The following ANTXR1 variants were observed in gnomAD, a reference collection of about 807,000 sequenced individuals.
The protein encoded by ANTXR1 is anthrax toxin receptor 1.
Under a neutral mutation model 78.1 loss-of-function variants are expected in ANTXR1, and 19 were observed. That is an observed-to-expected ratio of 0.24 (90% confidence interval 0.17 to 0.36). The LOEUF (loss-of-function observed/expected upper bound fraction) is 0.36, where lower values mean the gene tolerates loss of function less well. Ranked by LOEUF, ANTXR1 falls within the 10% of genes least tolerant of loss-of-function variation. The pLI is 1.00. For missense variants in ANTXR1, 518 were observed against 718.6 expected (o/e 0.72, Z 3.19); for synonymous variants, 273 against 260.5 (o/e 1.05, Z -0.46).
At chr2:69,136,205 G>A (rs1672906248) in intron 12 of ANTXR1, among the ~76,000 whole-genome samples, 1 of 152,124 alleles carries the variant, frequency 6.6e-6, no homozygotes, top group Non-Finnish European at 1.5e-5. Context: ...AATATATCCT[G>A]AATGAAACTG....
intron 12 of ANTXR1, among the ~76,000 whole-genome samples, chr2:69,125,738 G>A (rs1021611656): frequency 1.3e-5 from 2 of 152,166 alleles, no homozygotes; most frequent in Non-Finnish European, 2.9e-5. Flanking sequence ...CTACTCAGGA[G>A]GCTGAGATGG....
intron 8 of ANTXR1, among the ~76,000 whole-genome samples, chr2:69,089,233 A>G (rs1281045415): frequency 6.6e-6 from 1 of 152,260 alleles, no homozygotes; most frequent in East Asian, 1.9e-4. Flanking sequence ...TTTTGGTGAC[A>G]TTCAGGTACA....
At chr2:69,093,653 A>G (rs1671309538) in intron 9 of ANTXR1, among the ~76,000 whole-genome samples, 1 of 152,218 alleles carries the variant, frequency 6.6e-6, no homozygotes, top group African/African-American at 2.4e-5. Flanking sequence ...ACAATCCACT[A>G]ATAAATTTAA....
intron 16 of ANTXR1, among the ~76,000 whole-genome samples, chr2:69,190,801 G>A (rs1441019085): frequency 6.6e-6 from 1 of 151,932 alleles, no homozygotes; most frequent in African/African-American, 2.4e-5. Flanking sequence ...ATACATCTAG[G>A]TGGTTTCTGG....
intron 12 of ANTXR1, chr2:69,146,146 G>C: frequency 3.0e-6 from 3 of 985,434 alleles, no homozygotes; most frequent in South Asian, 4.7e-5. Context: ...AATGTTGCCT[G>C]TCTGCCTCCT....
chr2:69,175,522 G>T (rs980055542), intron 14 of ANTXR1, among the ~76,000 whole-genome samples: 2 of 152,182 alleles, frequency 1.3e-5, no homozygotes, highest in Non-Finnish European at 2.9e-5. Flanking sequence ...TACTGGGGAG[G>T]CTGAGGCTGG....
intron 12 of ANTXR1, among the ~76,000 whole-genome samples, chr2:69,125,802 C>T (rs1404807864): frequency 1.3e-5 from 2 of 152,012 alleles, no homozygotes; most frequent in Non-Finnish European, 2.9e-5. Context: ...GATTGCACCA[C>T]TGCACTCCGG....
At chr2:69,208,209 C>T (rs1256470688) in intron 17 of ANTXR1, among the ~76,000 whole-genome samples, 1 of 152,202 alleles carries the variant, frequency 6.6e-6, no homozygotes, top group Non-Finnish European at 1.5e-5. Flanking sequence ...TTTGCCTAGG[C>T]ATTTGTCTGC....
chr2:69,171,975 A>C (rs1673998398), intron 14 of ANTXR1, among the ~76,000 whole-genome samples: 1 of 152,232 alleles, frequency 6.6e-6, no homozygotes, highest in Admixed American at 6.5e-5. Flanking sequence ...GTTAGGCTTA[A>C]AGGAGTTTTT....
At chr2:69,126,930 A>G (rs1283365626) in intron 12 of ANTXR1, among the ~76,000 whole-genome samples, 1 of 152,198 alleles carries the variant, frequency 6.6e-6, no homozygotes, top group East Asian at 1.9e-4. Flanking sequence ...TTTTCATGTG[A>G]GAATGCTGTA....
intron 12 of ANTXR1, among the ~76,000 whole-genome samples, chr2:69,131,099 A>C (rs1189351710): frequency 6.6e-6 from 1 of 152,232 alleles, no homozygotes; most frequent in Non-Finnish European, 1.5e-5. Context: ...GCCACAAAAA[A>C]AAATCTATCA....
chr2:69,100,781 T>G (rs1265978057), intron 9 of ANTXR1, among the ~76,000 whole-genome samples: 4 of 152,248 alleles, frequency 2.6e-5, no homozygotes, highest in Non-Finnish European at 4.4e-5. Flanking sequence ...TAAGAGAAGA[T>G]AAGATTCTTC....
intron 12 of ANTXR1, among the ~76,000 whole-genome samples, chr2:69,150,606 T>C (rs1271865681): frequency 6.6e-6 from 1 of 152,144 alleles, no homozygotes; most frequent in Non-Finnish European, 1.5e-5. Flanking sequence ...TAAATATAAA[T>C]TTAAAAATTT....
intron 17 of ANTXR1, among the ~76,000 whole-genome samples, chr2:69,223,522 A>T (rs1295322214): frequency 6.6e-6 from 1 of 152,230 alleles, no homozygotes; most frequent in Non-Finnish European, 1.5e-5. Context: ...TGAGCAAAGC[A>T]ACTCAAGATT....
At chr2:69,098,795 G>A (rs1671510644) in intron 9 of ANTXR1, among the ~76,000 whole-genome samples, 1 of 152,146 alleles carries the variant, frequency 6.6e-6, no homozygotes, top group African/African-American at 2.4e-5. Context: ...AAACCAGCCT[G>A]GCCAACAGGG....
At chr2:69,095,102 G>A (rs1671357062) in intron 9 of ANTXR1, among the ~76,000 whole-genome samples, 1 of 152,160 alleles carries the variant, frequency 6.6e-6, no homozygotes, top group Non-Finnish European at 1.5e-5. Context: ...TATTGACAAA[G>A]GCATGTCCAT....
At chr2:69,072,725 A>G (rs72897320) in intron 5 of ANTXR1, among the ~76,000 whole-genome samples, 3,115 of 152,238 alleles carry the variant, frequency 0.02, 101 homozygotes, top group African/African-American at 0.069. Flanking sequence ...AAATAATCAC[A>G]CTTGATTCAC....
chr2:69,110,836 C>T (rs1413679296), intron 10 of ANTXR1, among the ~76,000 whole-genome samples: 2 of 152,012 alleles, frequency 1.3e-5, no homozygotes, highest in Non-Finnish European at 2.9e-5. Context: ...CATTCCAGCC[C>T]GGGCGACAGA....
At chr2:69,116,210 A>C (rs2104356634) in intron 10 of ANTXR1, among the ~76,000 whole-genome samples, 1 of 152,312 alleles carries the variant, frequency 6.6e-6, no homozygotes, top group Non-Finnish European at 1.5e-5. Flanking sequence ...TACTCTCAGC[A>C]ATGGCTCCCA....
Sources: gnomAD v4.1 joint callset for allele counts (sites outside exome capture counted in the v4.1 genomes callset) on GRCh38, gnomAD v4.1.1 for gene constraint, MANE v1.5 for transcripts, NCBI Gene and HGNC (gene_info 2026-07-23, HGNC 2026-07-21) for gene names.